The following BTBD2 variants were observed in gnomAD, a reference collection of about 807,000 sequenced individuals.
BTBD2 encodes the protein BTB/POZ domain-containing protein 2.
A neutral mutation model predicts 44.0 loss-of-function variants in BTBD2; 15 were observed. The observed-to-expected ratio is 0.34, with a 90% CI of 0.23 to 0.53. BTBD2 has a LOEUF of 0.53. Ranked by LOEUF, BTBD2 falls within the 20% of genes least tolerant of loss-of-function variation. BTBD2 has a pLI of 0.95. For missense variants in BTBD2, 657 were observed against 746.4 expected, an observed-to-expected ratio of 0.88 and a Z score of 1.39; for synonymous variants, 443 against 335.9, an observed-to-expected ratio of 1.32 and a Z score of -3.49.
chr19:1,987,428 C>T (rs552566909), intron 6 of BTBD2, 72 bp downstream of exon 6: 14 of 677,530 alleles, frequency 2.1e-5, no homozygotes, highest in Non-Finnish European at 3.4e-5. Flanking sequence ...CCATGCCCGG[C>T]CCCCCATCTC....
In BTBD2 at chr19:2,008,639, T is replaced by A. The variant is rs2016425413; in HGVS notation, c.407+6658A>T. Among the ~76,000 whole-genome samples the A allele has an allele frequency of 2.1e-5, 3 of 143,802 alleles. No homozygotes were observed. The South Asian group carries it at 6.6e-4, about 31-fold the overall frequency. 94.3% of individuals were successfully genotyped at this position (143,802 alleles called of 152,430 possible). A position where few individuals can be genotyped will look rare whatever the true frequency, so the allele number is the denominator to read the frequency against. The stretch of plus-strand genomic sequence containing the variant: ...CAGAGTCTCACTCTATCGCCCAGGA[T>A]GGAGTGCAGTGGTAGGATCATGGCT... On this transcript the variant is annotated intron_variant, in intron 1 of 8. Transcript: ENST00000255608.
At position 2,001,776 on chromosome 19, in the gene BTBD2, C is replaced by T. The variant is rs1257551444; in HGVS notation, c.408-4313G>A. 3.9e-5 allele frequency among the ~76,000 whole-genome samples: 6 copies of T among 152,194 alleles called. No individual in the cohort carries two copies. The South Asian group carries it at 8.3e-4, about 21-fold the overall frequency. On this transcript the variant is annotated intron_variant, in intron 1 of 8. Transcript: ENST00000255608. ...GTTTTGAGACGGAGTCTCGCTCTGC[C>T]GCCCAGGCTGGAGTGCAGTGGCGCA...
chr19:1,986,437 TG>T lies in BTBD2; in HGVS notation c.*50del. 3.7e-6 allele frequency: 6 copies of T among 1,600,674 alleles called. No homozygotes were observed. The highest frequency in any genetic ancestry group is 5.1e-6 in the Non-Finnish European group (6 of 1,170,406). On this transcript the variant is annotated 3_prime_UTR_variant, in exon 9 of 9. Coordinates refer to ENST00000255608, the MANE Select transcript of BTBD2 (RefSeq NM_017797.4). ...GGGGCCCCAGCAGCAGATGATGGCC[TG>T]GGGCTGCGGCTATCCCCACGGAGGG...
chr19:1,987,025 G>C, intron 7 of BTBD2, 49 bp from the exon 8 acceptor site: 2 of 1,598,134 alleles, frequency 1.3e-6, no homozygotes, highest in Non-Finnish European at 1.7e-6. Flanking sequence ...AGGGCCAACG[G>C]GGACCCCTCG....
intron 1 of BTBD2, among the ~76,000 whole-genome samples, chr19:2,000,256 A>G (rs1354805061): frequency 2.0e-5 from 3 of 151,664 alleles, no homozygotes; most frequent in Non-Finnish European, 4.4e-5. Flanking sequence ...CGCGTCCTCA[A>G]GGGCCCAGGC....
rs1204141662 is a variant in BTBD2 at position 1,986,236 on chromosome 19, G to C, written c.*252C>G. The C allele has an allele frequency of 3.6e-6, 2 of 549,070 alleles. No homozygotes were observed. Among genetic ancestry groups the C allele is most frequent in the Admixed American group, 6.3e-5 (2 of 31,764 alleles). The allele number at this position is 549,070 out of a possible 1,614,324, so 34.0% of individuals were successfully genotyped here. The stretch of plus-strand genomic sequence containing the variant: ...CCAGGCCGGCACAGCCCTGTCCCTA[G>C]TCCTGAGGGATTGTCTCCACAGGGC... On this transcript the variant is annotated 3_prime_UTR_variant, in exon 9 of 9. Transcript: ENST00000255608.
chr19:1,988,920 T>A (rs149067035), intron 5 of BTBD2, among the ~76,000 whole-genome samples: 3 of 151,632 alleles, frequency 2.0e-5, no homozygotes, highest in East Asian at 2.0e-4. Context: ...TTGTATATAT[T>A]TTTTTATTTT....
At chr19:2,012,938 A>AC (rs2016485667) in intron 1 of BTBD2, among the ~76,000 whole-genome samples, 1 of 150,214 alleles carries the variant, frequency 6.7e-6, no homozygotes, top group Non-Finnish European at 1.5e-5. Flanking sequence ...CATCCAACCT[A>AC]CCCCCTCCCC....
Position 1,993,006 on chromosome 19 carries a change from C to T in BTBD2, c.684+14G>A. On this transcript the variant is annotated intron_variant, in intron 3 of 8. Coordinates refer to ENST00000255608, the MANE Select transcript of BTBD2 (RefSeq NM_017797.4). ...GGCCTGGCCCCGCCCCCGCCTCGTA[C>T]CGGCCCCGCCCACCTGCGTGAGCAG... The T allele has an allele frequency of 7.6e-7, 1 of 1,307,922 alleles. No homozygotes were observed. The highest frequency in any genetic ancestry group is 1.5e-5 in the African/African-American group (1 of 65,086). The allele number at this position is 1,307,922 out of a possible 1,614,324, so 81.0% of individuals were successfully genotyped here.
Position 2,015,668 on chromosome 19 carries a change from G to A in BTBD2, c.36C>T (p.Cys12=). 1 of 999,646 alleles carries A rather than the reference G, an allele frequency of 1.0e-6. No homozygotes were observed. Among genetic ancestry groups the A allele is most frequent in the Non-Finnish European group, 1.2e-6 (1 of 842,552 alleles). The allele number at this position is 999,646 out of a possible 1,614,324, so 61.9% of individuals were successfully genotyped here. ...CCGGGCCGACCCCGACCCCCGGCGG[G>A]CACGACGCACGCCCGCCGCTCCCAC... is the stretch of plus-strand genomic sequence containing the variant. ...AAGGSGGRAS[C]PPGVGVGPGT... is the part of the protein sequence containing the mutation. Residue 12 remains cysteine (C), a synonymous_variant, in exon 1 of 9, where the codon TGC becomes TGT. Transcript: ENST00000255608.
intron 1 of BTBD2, among the ~76,000 whole-genome samples, chr19:2,012,045 G>A (rs2016471770): frequency 1.3e-5 from 2 of 151,510 alleles, no homozygotes; most frequent in Non-Finnish European, 1.5e-5. Flanking sequence ...TAGTAGAGAC[G>A]GTGTTTCACC....
chr19:1,986,789 CAG>C (rs1451804974), intron 8 of BTBD2, 39 bp downstream of exon 8: 3 of 1,576,384 alleles, frequency 1.9e-6, no homozygotes, highest in Non-Finnish European at 1.7e-6. Flanking sequence ...CAGGATGGGC[CAG>C]AGACTCCCAC....
intron 1 of BTBD2, among the ~76,000 whole-genome samples, chr19:1,998,629 C>T (rs2016283415): frequency 6.6e-6 from 1 of 152,148 alleles, no homozygotes. Context: ...GGCTATGAAC[C>T]CGCGTTTGGC....
At chr19:1,989,924 G>T in intron 5 of BTBD2, 80 bp downstream of exon 5, 2 of 1,501,380 alleles carry the variant, frequency 1.3e-6, no homozygotes, top group South Asian at 1.2e-5. Flanking sequence ...GTGAACTCGG[G>T]GGCACTATCC....
chr19:1,987,411 T>G, intron 6 of BTBD2, 89 bp downstream of exon 6: 1 of 1,187,044 alleles, frequency 8.4e-7, no homozygotes, highest in Non-Finnish European at 1.1e-6. Context: ...CCCTGAGTTC[T>G]CCACCCCCAT....
At chr19:1,992,075 C>T (rs528254469) in intron 3 of BTBD2, 3 of 147,306 alleles carry the variant, frequency 2.0e-5, no homozygotes, top group Admixed American at 2.0e-4. Flanking sequence ...CAAGAGAAAC[C>T]CCGTCTCAAA....
In BTBD2 at chr19:1,997,358, G is replaced by A. The variant is rs1312432467; in HGVS notation, c.513C>T (p.Phe171=). 1.9e-6 allele frequency: 3 copies of A among 1,614,066 alleles called. No homozygotes were observed. The African/African-American group carries it at 4.0e-5, about 22-fold the overall frequency. ...IELPDVEPAA[F]LALLKFLYSD... ...GGAAGCATTACTTGAGCAGTGCGAG[G>A]AAGGCAGCGGGTTCCACGTCGGGCA... The change falls in exon 2 of 9, where the codon TTC becomes TTT. Residue 171 remains phenylalanine (F), a synonymous_variant. Coordinates refer to ENST00000255608, the MANE Select transcript of BTBD2 (RefSeq NM_017797.4).
intron 1 of BTBD2, among the ~76,000 whole-genome samples, chr19:2,000,815 G>A (rs572933608): frequency 6.2e-4 from 94 of 152,254 alleles, no homozygotes; most frequent in African/African-American, 2.1e-3. Context: ...GACACGGTGC[G>A]ACCACCCACG....
intron 1 of BTBD2, among the ~76,000 whole-genome samples, chr19:2,008,210 G>A (rs1468257295): frequency 6.6e-6 from 1 of 151,910 alleles, no homozygotes; most frequent in Non-Finnish European, 1.5e-5. Flanking sequence ...CACTATGTTT[G>A]CCAGGCTGCT....
Sources: allele counts gnomAD v4.1 joint callset (sites outside exome capture counted in the v4.1 genomes callset), GRCh38; gene constraint gnomAD v4.1.1; transcripts MANE v1.5; gene names NCBI Gene and HGNC (gene_info 2026-07-23, HGNC 2026-07-21).